Variants in STAM observed in about 807,000 individuals in gnomAD.
The protein encoded by STAM is signal transducing adapter molecule 1.
In STAM, 16 loss-of-function variants were observed where a neutral mutation model predicts 63.4. That is an observed-to-expected ratio of 0.25 (90% CI 0.17 to 0.38). The LOEUF is 0.38. Among genes scored for constraint, STAM ranks in the 10% least tolerant of loss-of-function variants. STAM has a pLI of 1.00. For missense variants in STAM, 636 were observed against 657.1 expected (o/e 0.97, Z 0.35); for synonymous variants, 238 against 223.9 (o/e 1.06, Z -0.56).
chr10:17,695,012 T>C, intron 6 of STAM, 37 bp from the exon 7 acceptor site: 6 of 1,590,946 alleles, frequency 3.8e-6, no homozygotes, highest in Non-Finnish European at 3.4e-6. Flanking sequence ...TTGGATATAA[T>C]AACATTTTGG....
At chr10:17,705,154 T>C in intron 11 of STAM, 130 bp downstream of exon 11, 1 of 713,958 alleles carries the variant, frequency 1.4e-6, no homozygotes, top group African/African-American at 1.8e-5. Flanking sequence ...TCACATATCT[T>C]GTGCTAGATG....
chr10:17,700,881 A>T lies in STAM; in HGVS notation c.912+602A>T, dbSNP rs17141516. The stretch of plus-strand genomic sequence containing the variant: ...ATAAAATTGTCATTAAATTACTTCT[A>T]CATAAATCATTGCATAAAAGCAGTG... On this transcript the variant is annotated intron_variant, in intron 9 of 13. Coordinates refer to ENST00000377524, the MANE Select transcript of STAM (RefSeq NM_003473.4). 8.6e-3 allele frequency among the ~76,000 whole-genome samples: 1,305 copies of T among 152,330 alleles called. 20 individuals are homozygous for T. The highest frequency in any genetic ancestry group is 0.03 in the African/African-American group (1,227 of 41,568).
chr10:17,676,670 C>G (rs757616690), intron 2 of STAM, among the ~76,000 whole-genome samples: 31 of 151,946 alleles, frequency 2.0e-4, no homozygotes, highest in Admixed American at 2.0e-3. Context: ...TTTATGCCTG[C>G]TGTTCCTCTG....
In STAM at chr10:17,705,654, A is replaced by G. The variant is rs1554829146; in HGVS notation, c.1122A>G (p.Leu374=). Residue 374 remains leucine (L), a synonymous_variant, in exon 12 of 14, where the codon TTA becomes TTG. Transcript: ENST00000377524. The part of the protein sequence containing the change: ...VMEALSLYTK[L]MNEDPMYSMY... ...AGGCCCTTTCCTTATATACCAAGTT[A>G]ATGAACGAAGATCCGATGTATTCCA... 8.1e-6 allele frequency: 13 copies of G among 1,614,100 alleles called. No homozygotes were observed. The highest frequency in any genetic ancestry group is 1.1e-5 in the Non-Finnish European group (13 of 1,179,988).
chr10:17,713,352 C>A (rs1319259510), intron 13 of STAM, among the ~76,000 whole-genome samples: 1 of 152,190 alleles, frequency 6.6e-6, no homozygotes, highest in South Asian at 2.1e-4. Context: ...ATTTCTCCTC[C>A]GTACTTCCCC....
At chr10:17,658,322 G>T (rs552784244) in intron 1 of STAM, among the ~76,000 whole-genome samples, 52 of 152,022 alleles carry the variant, frequency 3.4e-4, no homozygotes, top group Admixed American at 1.2e-3. Context: ...TATTGTTTTA[G>T]ATTTGTCTTG....
chr10:17,715,048 C>A lies in STAM; in HGVS notation c.*268C>A. The A allele has an allele frequency of 2.3e-6, 1 of 429,696 alleles. No individual in the cohort carries two copies. The allele number at this position is 429,696 out of a possible 1,614,324, so 26.6% of individuals were successfully genotyped here. A position where few individuals can be genotyped will look rare whatever the true frequency, so the allele number is the denominator to read the frequency against. ...AGAATTGATACAAGGCTATTTGTCTCGTAAACCTGGTCTGCAGAAAGTCAA... is the reference window on the plus strand; with the variant it reads ...AGAATTGATACAAGGCTATTTGTCTAGTAAACCTGGTCTGCAGAAAGTCAA... On this transcript the variant is annotated 3_prime_UTR_variant, in exon 14 of 14. Transcript: ENST00000377524.
At chr10:17,695,290 C>G in intron 7 of STAM, 49 bp downstream of exon 7, 1 of 1,534,622 alleles carries the variant, frequency 6.5e-7, no homozygotes, top group Non-Finnish European at 8.9e-7. Context: ...TGTATGGCTT[C>G]TGTGTTTCAT....
intron 5 of STAM, among the ~76,000 whole-genome samples, chr10:17,690,014 C>T (rs557954334): frequency 1.2e-4 from 19 of 152,264 alleles, no homozygotes; most frequent in African/African-American, 4.1e-4. Flanking sequence ...CCATATGTAC[C>T]CTTGTTTGGT....
At chr10:17,708,343 TG>T (rs1554829603) in intron 12 of STAM, among the ~76,000 whole-genome samples, 1 of 152,216 alleles carries the variant, frequency 6.6e-6, no homozygotes, top group East Asian at 1.9e-4. Flanking sequence ...AAAGTTAGCT[TG>T]CTCTATTGTT....
chr10:17,692,895 T>A (rs1835601625), intron 5 of STAM, among the ~76,000 whole-genome samples: 1 of 152,196 alleles, frequency 6.6e-6, no homozygotes, highest in Non-Finnish European at 1.5e-5. Context: ...GCCTCTTTTC[T>A]GGTTTTGGAG....
intron 2 of STAM, among the ~76,000 whole-genome samples, chr10:17,676,398 T>G (rs1589058438): frequency 6.6e-6 from 1 of 152,164 alleles, no homozygotes; most frequent in African/African-American, 2.4e-5. Flanking sequence ...TGGTAAATAA[T>G]GAAATTGAAT....
At chr10:17,705,459 T>C (rs1836217876) in intron 11 of STAM, 129 bp from the exon 12 acceptor site, 4 of 1,101,288 alleles carry the variant, frequency 3.6e-6, no homozygotes, top group South Asian at 1.7e-5. Flanking sequence ...ATTTTTGTTA[T>C]AAGTGAAATT....
At chr10:17,693,425 T>C in intron 6 of STAM, 113 bp downstream of exon 6, 2 of 794,452 alleles carry the variant, frequency 2.5e-6, no homozygotes, top group Non-Finnish European at 3.8e-6. Flanking sequence ...ATCTGCTTTG[T>C]TGCCCTCCTC....
chr10:17,688,907 T>G (rs1053535490), intron 5 of STAM, among the ~76,000 whole-genome samples: 2 of 152,210 alleles, frequency 1.3e-5, no homozygotes, highest in Non-Finnish European at 2.9e-5. Context: ...ACTTGAGAGA[T>G]TCTTTTGTGG....
At chr10:17,714,131 T>C (rs1263389303) in intron 13 of STAM, among the ~76,000 whole-genome samples, 2 of 152,198 alleles carry the variant, frequency 1.3e-5, no homozygotes, top group Non-Finnish European at 2.9e-5. Flanking sequence ...TATTGCCTTA[T>C]TGGAGAGGCA....
chr10:17,714,689 A>G lies in STAM; in HGVS notation c.1532A>G (p.Tyr511Cys), dbSNP rs1564578984. The change falls in exon 14 of 14, where the codon TAT becomes TGT. Residue 511 changes from tyrosine (Y) to cysteine (C), a missense_variant. This residue lies in a region of STAM where 532 missense variants were observed against 536.9 expected (regional missense o/e 0.99). Transcript: ENST00000377524. Reference protein sequence around the residue: ...AGPNMPQVPNYNLTSSTLPQP... With the variant: ...AGPNMPQVPNCNLTSSTLPQP... Reference sequence around the variant, plus strand: ...CCTAATATGCCCCAGGTGCCAAACTATAACTTAACATCATCAACTCTGCCT... The same window carrying G: ...CCTAATATGCCCCAGGTGCCAAACTGTAACTTAACATCATCAACTCTGCCT... The G allele has an allele frequency of 3.1e-6, 5 of 1,613,998 alleles. No homozygotes were observed. The South Asian group carries it at 3.3e-5, about 11-fold the overall frequency.
chr10:17,656,601 A>C (rs1833950647), intron 1 of STAM, among the ~76,000 whole-genome samples: 1 of 152,180 alleles, frequency 6.6e-6, no homozygotes, highest in Admixed American at 6.5e-5. Context: ...ACCTGGGATG[A>C]ATCTTAATTG....
intron 13 of STAM, among the ~76,000 whole-genome samples, chr10:17,710,037 A>G (rs532126856): frequency 2.0e-5 from 3 of 151,340 alleles, no homozygotes; most frequent in South Asian, 2.1e-4. Context: ...TTCTTAGAGT[A>G]GCATGTTGCT....
Sources: gnomAD v4.1 joint callset for allele counts (sites outside exome capture counted in the v4.1 genomes callset) on GRCh38, gnomAD v4.1.1 for gene constraint, gnomAD v4.1.1 regional missense constraint, MANE v1.5 for transcripts, NCBI Gene and HGNC (gene_info 2026-07-23, HGNC 2026-07-21) for gene names.